The following COX6C variants were observed in gnomAD, a reference collection of about 807,000 sequenced individuals.
The protein encoded by COX6C is cytochrome c oxidase polypeptide VIc.
In COX6C, 3 loss-of-function variants were observed where a neutral mutation model predicts 6.9. The observed-to-expected ratio is 0.43, with a 90% CI of 0.20 to 1.12. COX6C has a LOEUF of 1.12. Ranked by LOEUF, COX6C falls within the 50% of genes most tolerant of loss-of-function variation. The pLI is 0.27. For synonymous variants in COX6C, 32 were observed against 32.0 expected, an observed-to-expected ratio of 1.00 and a Z score of 0.00; for missense variants, 101 against 97.3, an observed-to-expected ratio of 1.04 and a Z score of -0.16.
intron 3 of COX6C, among the ~76,000 whole-genome samples, chr8:99,880,100 T>G (rs1490136426): frequency 1.3e-5 from 2 of 152,162 alleles, no homozygotes; most frequent in African/African-American, 4.8e-5. Context: ...CAGGAAAAGT[T>G]TGAGAGGACA....
At chr8:99,888,785 C>G (rs1052656984) in intron 2 of COX6C, among the ~76,000 whole-genome samples, 1 of 152,220 alleles carries the variant, frequency 6.6e-6, no homozygotes, top group Non-Finnish European at 1.5e-5. Context: ...TGAGGGAGAG[C>G]TGCACATTTG....
intron 3 of COX6C, among the ~76,000 whole-genome samples, chr8:99,880,593 A>G (rs1251544053): frequency 6.6e-6 from 1 of 152,114 alleles, no homozygotes; most frequent in African/African-American, 2.4e-5. Context: ...TCTGAAGAGC[A>G]GGCCGGACAT....
At position 99,891,822 on chromosome 8, in the gene COX6C, A is replaced by T. The variant is rs897465288; in HGVS notation, c.114+86T>A. 5.2e-6 allele frequency: 6 copies of T among 1,149,388 alleles called. No individual in the cohort carries two copies. In the African/African-American group the frequency reaches 9.1e-5, roughly 17 times the overall value. 71.2% of individuals were successfully genotyped at this position (1,149,388 alleles called of 1,614,324 possible). On this transcript the variant is annotated intron_variant, in intron 2 of 3. Coordinates refer to ENST00000520468, the MANE Select transcript of COX6C (RefSeq NM_004374.4). ...TGCAGAAAGGGTTAGAAAGAAACAC[A>T]TTACAAGGGGGAGTTTCTTTAAAAG...
intron 2 of COX6C, among the ~76,000 whole-genome samples, chr8:99,890,167 C>T (rs12548542): frequency 0.21 from 32,323 of 151,866 alleles, 3,848 homozygotes; most frequent in African/African-American, 0.32. Flanking sequence ...TTCTCCATAT[C>T]GCCCAGGCTG....
chr8:99,882,769 A>C (rs1232766857), intron 3 of COX6C, among the ~76,000 whole-genome samples: 1 of 150,670 alleles, frequency 6.6e-6, no homozygotes, highest in African/African-American at 2.5e-5. Flanking sequence ...TGGATGACCT[A>C]ATGAAATAGA....
At chr8:99,880,562 A>T (rs1168538844) in intron 3 of COX6C, among the ~76,000 whole-genome samples, 3 of 152,142 alleles carry the variant, frequency 2.0e-5, no homozygotes, top group Non-Finnish European at 4.4e-5. Context: ...ACTTCAAGAC[A>T]GATCATTTGA....
At chr8:99,889,697 A>C (rs867110661) in intron 2 of COX6C, among the ~76,000 whole-genome samples, 1 of 151,232 alleles carries the variant, frequency 6.6e-6, no homozygotes, top group Non-Finnish European at 1.5e-5. Flanking sequence ...CTCGCCTCCC[A>C]ATCTTGGCTG....
intron 3 of COX6C, 33 bp downstream of exon 3, chr8:99,887,457 T>C (rs778516461): frequency 1.9e-5 from 25 of 1,329,932 alleles, no homozygotes; most frequent in Non-Finnish European, 2.0e-6. Context: ...AATTAGAAAT[T>C]TTTTTTTAAG....
chr8:99,884,737 C>CTA (rs1817920186), intron 3 of COX6C, among the ~76,000 whole-genome samples: 1 of 152,016 alleles, frequency 6.6e-6, no homozygotes, highest in Non-Finnish European at 1.5e-5. Flanking sequence ...ACGTTTTTTC[C>CTA]TATATATACA....
chr8:99,889,357 T>G (rs150197492), intron 2 of COX6C, among the ~76,000 whole-genome samples: 48 of 150,506 alleles, frequency 3.2e-4, no homozygotes, highest in Non-Finnish European at 5.8e-4. Flanking sequence ...CGGCACGATC[T>G]CGGCTCACTG....
At position 99,891,922 on chromosome 8, in the gene COX6C, C is replaced by T; in HGVS notation, c.100G>A (p.Ala34Thr). The change falls in exon 2 of 4, where the codon GCA becomes ACA. Residue 34 changes from alanine to threonine, a missense_variant. Transcript: ENST00000520468. ...AACATACATACCTTATACAAAGCTG[C>T]AACCCCCAGGGATAGCACGAATGCT... Reference protein sequence around the residue: ...AVAFVLSLGVAALYKFRVADQ... With the variant: ...AVAFVLSLGVTALYKFRVADQ... 1 of 1,614,088 alleles carries T rather than the reference C, an allele frequency of 6.2e-7. No homozygotes were observed. Among genetic ancestry groups the T allele is most frequent in the Non-Finnish European group, 8.5e-7 (1 of 1,179,962 alleles).
chr8:99,885,401 G>A (rs930550273), intron 3 of COX6C, among the ~76,000 whole-genome samples: 9 of 152,100 alleles, frequency 5.9e-5, no homozygotes, highest in Non-Finnish European at 1.2e-4. Flanking sequence ...CCACTAGAGG[G>A]GTCTTGAAAC....
intron 1 of COX6C, 64 bp from the exon 2 acceptor site, chr8:99,892,116 C>T: frequency 1.2e-6 from 1 of 867,108 alleles, no homozygotes; most frequent in Non-Finnish European, 1.8e-6. Flanking sequence ...TTGAGAATGG[C>T]CACCTGGAAG....
chr8:99,885,239 T>G (rs1029223590), intron 3 of COX6C, among the ~76,000 whole-genome samples: 1 of 152,234 alleles, frequency 6.6e-6, no homozygotes, highest in Non-Finnish European at 1.5e-5. Flanking sequence ...CATTCACCTT[T>G]TATTACTATA....
At chr8:99,881,912 C>T (rs1056528826) in intron 3 of COX6C, among the ~76,000 whole-genome samples, 2 of 152,186 alleles carry the variant, frequency 1.3e-5, no homozygotes, top group African/African-American at 4.8e-5. Context: ...AGATGTCCCA[C>T]ACATACAGCA....
intron 3 of COX6C, among the ~76,000 whole-genome samples, chr8:99,884,914 T>C (rs1292112656): frequency 1.3e-5 from 2 of 152,224 alleles, no homozygotes; most frequent in Non-Finnish European, 2.9e-5. Context: ...ACGATGTCCA[T>C]ACTACCAAAG....
intron 3 of COX6C, among the ~76,000 whole-genome samples, chr8:99,885,449 T>C (rs1222493784): frequency 1.3e-5 from 2 of 152,148 alleles, no homozygotes; most frequent in Non-Finnish European, 2.9e-5. Context: ...ATCAAAACAG[T>C]GTAGTACTGC....
chr8:99,879,760 A>G (rs1411256875), intron 3 of COX6C, among the ~76,000 whole-genome samples: 1 of 151,710 alleles, frequency 6.6e-6, no homozygotes, highest in Non-Finnish European at 1.5e-5. Flanking sequence ...CTGACCTACA[A>G]TGTTCTGGTT....
At chr8:99,889,565 T>C (rs1301777542) in intron 2 of COX6C, among the ~76,000 whole-genome samples, 1 of 151,714 alleles carries the variant, frequency 6.6e-6, no homozygotes, top group African/African-American at 2.4e-5. Flanking sequence ...TTTTTGTATT[T>C]TTAGTAGAGA....
Sources: gnomAD v4.1 joint callset for allele counts (sites outside exome capture counted in the v4.1 genomes callset) on GRCh38, gnomAD v4.1.1 for gene constraint, MANE v1.5 for transcripts, NCBI Gene and HGNC (gene_info 2026-07-23, HGNC 2026-07-21) for gene names.